The following CPS1 variants were observed in gnomAD, a reference collection of about 807,000 sequenced individuals.
CPS1 encodes carbamoyl-phosphate synthase [ammonia], mitochondrial.
In CPS1, 109 loss-of-function variants were observed where a neutral mutation model predicts 174.6. That is an observed-to-expected ratio of 0.62 (90% CI 0.53 to 0.73). The LOEUF is 0.73. Ranked by LOEUF, CPS1 falls within the 30% of genes least tolerant of loss-of-function variation. The pLI, the probability that CPS1 is intolerant of heterozygous loss-of-function variation, is 0.00. For missense variants in CPS1, 1,689 were observed against 1,821.9 expected, an observed-to-expected ratio of 0.93 and a Z score of 1.33; for synonymous variants, 637 against 632.0, an observed-to-expected ratio of 1.01 and a Z score of -0.12.
intron 1 of CPS1, among the ~76,000 whole-genome samples, chr2:210,561,065 T>G (rs1028243246): frequency 5.9e-5 from 9 of 152,174 alleles, no homozygotes; most frequent in African/African-American, 1.7e-4. Context: ...TTTTGAACAT[T>G]TTAATTTTTT....
intron 1 of CPS1, among the ~76,000 whole-genome samples, chr2:210,486,057 AAT>A (rs745442748): frequency 2.0e-5 from 3 of 148,152 alleles, no homozygotes; most frequent in Admixed American, 6.8e-5. Context: ...TTGCCAGCCA[AAT>A]ATATATATAT....
intron 1 of CPS1, among the ~76,000 whole-genome samples, chr2:210,569,715 A>G (rs1252924524): frequency 1.3e-5 from 2 of 152,028 alleles, no homozygotes; most frequent in Non-Finnish European, 2.9e-5. Flanking sequence ...ATACATTTTT[A>G]TTAAACACAT....
At chr2:210,625,016 G>C (rs552587063) in intron 21 of CPS1, among the ~76,000 whole-genome samples, 2 of 151,958 alleles carry the variant, frequency 1.3e-5, no homozygotes, top group Non-Finnish European at 2.9e-5. Flanking sequence ...TGAACTAAGC[G>C]TGATGGGATA....
chr2:210,514,551 A>C (rs1695621723), intron 1 of CPS1, among the ~76,000 whole-genome samples: 1 of 151,750 alleles, frequency 6.6e-6, no homozygotes, highest in Admixed American at 6.6e-5. Context: ...CTTTACTGAA[A>C]GTGTTTATCT....
chr2:210,567,946 T>C (rs1697355517), intron 1 of CPS1, among the ~76,000 whole-genome samples: 1 of 152,204 alleles, frequency 6.6e-6, no homozygotes, highest in Admixed American at 6.5e-5. Context: ...TGTAACATGC[T>C]AATATCACAT....
At chr2:210,607,136 C>T (rs1698942518) in intron 18 of CPS1, among the ~76,000 whole-genome samples, 195 bp downstream of exon 18, 1 of 152,026 alleles carries the variant, frequency 6.6e-6, no homozygotes, top group African/African-American at 2.4e-5. Flanking sequence ...AATTATATTG[C>T]TAGCTGGCTT....
intron 28 of CPS1, among the ~76,000 whole-genome samples, chr2:210,650,708 A>C (rs1277973620): frequency 6.6e-6 from 1 of 152,190 alleles, no homozygotes; most frequent in Non-Finnish European, 1.5e-5. Flanking sequence ...TTATCAAAAC[A>C]GATTTTAGAC....
At chr2:210,500,945 G>C (rs899153358) in intron 1 of CPS1, among the ~76,000 whole-genome samples, 5 of 152,124 alleles carry the variant, frequency 3.3e-5, no homozygotes, top group Non-Finnish European at 5.9e-5. Flanking sequence ...TGGACATCTA[G>C]GTGTTTCCAT....
chr2:210,514,392 C>T (rs1295064685), intron 1 of CPS1, among the ~76,000 whole-genome samples: 1 of 151,748 alleles, frequency 6.6e-6, no homozygotes, highest in East Asian at 1.9e-4. Context: ...TTGTAGAGAT[C>T]TCTCACCTCC....
chr2:210,653,078 G>A (rs1700606857), intron 28 of CPS1, among the ~76,000 whole-genome samples: 1 of 152,192 alleles, frequency 6.6e-6, no homozygotes. Flanking sequence ...ATTCAGAGAA[G>A]GATTCAGGGA....
intron 1 of CPS1, among the ~76,000 whole-genome samples, chr2:210,530,283 G>A (rs1315232034): frequency 2.6e-5 from 4 of 152,086 alleles, no homozygotes; most frequent in South Asian, 2.1e-4. Context: ...ATTTGGAAAC[G>A]TATTTGTGGA....
chr2:210,588,231 T>G, intron 7 of CPS1, 84 bp downstream of exon 7: 2 of 1,176,716 alleles, frequency 1.7e-6, no homozygotes, highest in Non-Finnish European at 2.5e-6. Context: ...ACAGAGAAAC[T>G]TATGCATTCT....
At position 210,597,599 on chromosome 2, in the gene CPS1, C is replaced by G. The variant is rs1043144355; in HGVS notation, c.1360-1773C>G. Among the ~76,000 whole-genome samples the G allele has an allele frequency of 3.3e-5, 5 of 151,742 alleles. No individual in the cohort carries two copies. In the East Asian group the frequency reaches 9.7e-4, roughly 29 times the overall value. Reference sequence around the variant, plus strand: ...TATGTGGGGTTTTCAATAATAATTTCTATACTTTTATCTGAATATTTTGTT... The same window carrying G: ...TATGTGGGGTTTTCAATAATAATTTGTATACTTTTATCTGAATATTTTGTT... On this transcript the variant is annotated intron_variant, in intron 13 of 37. Coordinates refer to ENST00000233072, the MANE Select transcript of CPS1 (RefSeq NM_001875.5).
intron 35 of CPS1, 22 bp downstream of exon 35, chr2:210,674,983 T>C: frequency 1.3e-6 from 2 of 1,585,338 alleles, no homozygotes; most frequent in Non-Finnish European, 1.7e-6. Context: ...AGTTTTAAGT[T>C]GTTTTCTGTC....
intron 4 of CPS1, among the ~76,000 whole-genome samples, chr2:210,579,295 A>C (rs146374358): frequency 6.6e-6 from 1 of 152,316 alleles, no homozygotes; most frequent in African/African-American, 2.4e-5. Flanking sequence ...ATCATGTTTT[A>C]GTACAACATG....
chr2:210,518,217 T>C (rs1054956850), intron 1 of CPS1, among the ~76,000 whole-genome samples: 2 of 152,020 alleles, frequency 1.3e-5, no homozygotes, highest in Non-Finnish European at 2.9e-5. Context: ...TGCAGTGATC[T>C]CTATGATGAT....
At chr2:210,491,161 T>G (rs1559733301) in intron 1 of CPS1, among the ~76,000 whole-genome samples, 1 of 152,198 alleles carries the variant, frequency 6.6e-6, no homozygotes, top group East Asian at 1.9e-4. Context: ...TTGACTTGAA[T>G]GAGTTTAATT....
At chr2:210,593,298 G>A (rs1172392460) in intron 11 of CPS1, 2 of 1,081,100 alleles carry the variant, frequency 1.8e-6, no homozygotes, top group Non-Finnish European at 2.3e-6. Flanking sequence ...TGACTGAAAT[G>A]AAATTTTAAT....
intron 1 of CPS1, among the ~76,000 whole-genome samples, chr2:210,491,087 T>A (rs1434821500): frequency 6.6e-6 from 1 of 152,158 alleles, no homozygotes; most frequent in African/African-American, 2.4e-5. Flanking sequence ...AATTAGTAGG[T>A]TTGTAAACAA....
Sources: allele counts gnomAD v4.1 joint callset (sites outside exome capture counted in the v4.1 genomes callset), GRCh38; gene constraint gnomAD v4.1.1; transcripts MANE v1.5; gene names NCBI Gene and HGNC (gene_info 2026-07-23, HGNC 2026-07-21).